The following NEDD4 variants were observed in gnomAD, a reference collection of about 807,000 sequenced individuals.
The protein encoded by NEDD4 is NEDD4 E3 ubiquitin protein ligase.
A neutral mutation model predicts 144.9 loss-of-function variants in NEDD4; 99 were observed. The observed-to-expected ratio is 0.68, with a 90% CI of 0.58 to 0.81. NEDD4 has a LOEUF of 0.81. Among genes scored for constraint, NEDD4 ranks in the 30% least tolerant of loss-of-function variants. NEDD4 has a pLI of 0.00. For missense variants in NEDD4, 985 were observed against 1,065.9 expected (o/e 0.92, Z 1.06); for synonymous variants, 318 against 350.6 (o/e 0.91, Z 1.04).
At position 55,854,586 on chromosome 15, in the gene NEDD4, A is replaced by G. The variant is rs965860886; in HGVS notation, c.1026+1545T>C. On this transcript the variant is annotated intron_variant, in intron 12 of 28. Coordinates refer to ENST00000435532, the MANE Select transcript of NEDD4 (RefSeq NM_006154.4). ...AAAGGCAAAAACTGTAGCAATAGAGAGCAGATGAGCGGTTGCTTGCAACTG... is the reference window on the plus strand; with the variant it reads ...AAAGGCAAAAACTGTAGCAATAGAGGGCAGATGAGCGGTTGCTTGCAACTG... 2.0e-5 allele frequency among the ~76,000 whole-genome samples: 3 copies of G among 152,264 alleles called. No individual in the cohort carries two copies. The East Asian group carries it at 5.8e-4, about 29-fold the overall frequency.
At chr15:55,992,246 C>T (rs140854660) in intron 1 of NEDD4, among the ~76,000 whole-genome samples, 4 of 152,322 alleles carry the variant, frequency 2.6e-5, no homozygotes, top group African/African-American at 9.6e-5. Flanking sequence ...CTATGAGCCG[C>T]CACCATTTGT....
In NEDD4 at chr15:55,829,119, A is replaced by T. The variant is rs1244840820; in HGVS notation, c.*778T>A. 6.6e-6 allele frequency: 1 copy of T among 152,590 alleles called. No individual in the cohort carries two copies. The highest frequency in any genetic ancestry group is 2.4e-5 in the African/African-American group (1 of 41,472). The allele number at this position is 152,590 out of a possible 1,614,324, so 9.5% of individuals were successfully genotyped here. ...TACACTAAAATATGAAAAAGTGATGACTATACCAATGGTCAATAGGATATG... is the reference window on the plus strand; with the variant it reads ...TACACTAAAATATGAAAAAGTGATGTCTATACCAATGGTCAATAGGATATG... On this transcript the variant is annotated 3_prime_UTR_variant, in exon 29 of 29. Transcript: ENST00000435532.
chr15:55,947,602 C>T lies in NEDD4; in HGVS notation c.237+3774G>A, dbSNP rs144185018. On this transcript the variant is annotated intron_variant, in intron 4 of 28. Coordinates refer to ENST00000435532, the MANE Select transcript of NEDD4 (RefSeq NM_006154.4). ...ACCAAAGGTACAAGGAGCTTATCCA[C>T]CATGATCAAGTGGGCTTCATCCCTG... 5.7e-3 allele frequency among the ~76,000 whole-genome samples: 873 copies of T among 152,038 alleles called. 9 individuals are homozygous for T. The highest frequency in any genetic ancestry group is 0.02 in the African/African-American group (817 of 41,512).
rs546718214 is a variant in NEDD4 at position 55,911,391 on chromosome 15, T to C, written c.291+13255A>G. On this transcript the variant is annotated intron_variant, in intron 5 of 28. Transcript: ENST00000435532. Reference sequence around the variant, plus strand: ...TCTGCCTGATGAACTCCAGTTTACCTATCAAGACTCGGTTCAAATGTCACC... The same window carrying C: ...TCTGCCTGATGAACTCCAGTTTACCCATCAAGACTCGGTTCAAATGTCACC... 6.6e-5 allele frequency among the ~76,000 whole-genome samples: 10 copies of C among 152,234 alleles called. No homozygotes were observed. The South Asian group carries it at 2.1e-3, about 32-fold the overall frequency.
At chr15:55,876,863 T>G (rs776154638) in intron 5 of NEDD4, among the ~76,000 whole-genome samples, 1 of 152,006 alleles carries the variant, frequency 6.6e-6, no homozygotes, top group Non-Finnish European at 1.5e-5. Context: ...TTTTCACTTT[T>G]TTTTTCTTTT....
chr15:55,917,199 C>T, intron 5 of NEDD4: 1 of 969,448 alleles, frequency 1.0e-6, no homozygotes, highest in East Asian at 9.5e-5. Context: ...ATGAGTAACA[C>T]AAGAACAACA....
chr15:55,872,365 A>G, intron 7 of NEDD4, 50 bp downstream of exon 7: 2 of 832,160 alleles, frequency 2.4e-6, no homozygotes, highest in South Asian at 2.0e-5. Context: ...GTAAGGTGTA[A>G]TGAAGAGATA....
chr15:55,982,447 A>G (rs1252182485), intron 1 of NEDD4, among the ~76,000 whole-genome samples: 4 of 152,224 alleles, frequency 2.6e-5, no homozygotes, highest in Non-Finnish European at 5.9e-5. Flanking sequence ...AGCTATTGAT[A>G]CAAACAACCC....
chr15:55,835,605 C>T (rs929105681), intron 24 of NEDD4, among the ~76,000 whole-genome samples: 4 of 152,074 alleles, frequency 2.6e-5, no homozygotes, highest in Admixed American at 6.6e-5. Context: ...CAGATGATCC[C>T]CAAATCCATA....
chr15:55,838,584 G>A lies in NEDD4; in HGVS notation c.2052C>T (p.Ser684=). The A allele has an allele frequency of 6.2e-7, 1 of 1,610,252 alleles. No individual in the cohort carries two copies. Among genetic ancestry groups the A allele is most frequent in the Non-Finnish European group, 8.5e-7 (1 of 1,177,330 alleles). ...GGTCATTTTCAAGAATCCATCTTAGGGAATTGTAATATTCACTATCCTAGA... is the reference window on the plus strand; with the variant it reads ...GGTCATTTTCAAGAATCCATCTTAGAGAATTGTAATATTCACTATCCTAGA... ...MESVDSEYYN[S]LRWILENDPT... The change falls in exon 22 of 29, where the codon TCC becomes TCT. Residue 684 remains serine (S), a synonymous_variant. Coordinates refer to ENST00000435532, the MANE Select transcript of NEDD4 (RefSeq NM_006154.4).
Position 55,860,674 on chromosome 15 carries a change from C to A in NEDD4, c.779G>T (p.Arg260Leu), listed in dbSNP as rs2303580. 3 of 1,613,892 alleles carry A rather than the reference C, an allele frequency of 1.9e-6. No individual in the cohort carries two copies. In the African/African-American group the frequency reaches 4.0e-5, roughly 22 times the overall value. Residue 260 changes from arginine to leucine, a missense_variant, in exon 10 of 29, where the codon CGA becomes CTA. Arg to Leu is a moderately radical substitution (Grantham distance 102). Coordinates refer to ENST00000435532, the MANE Select transcript of NEDD4 (RefSeq NM_006154.4). ...ISEETESVDN[R>L]ESSENWEIIR... is the part of the protein sequence containing the mutation. ...AACTACTTATACCTCGGAAGACTCT[C>A]GGTTGTCAACACTTTCTGTTTCCTC...
chr15:55,926,320 T>C (rs2142238133), intron 4 of NEDD4, among the ~76,000 whole-genome samples: 1 of 152,288 alleles, frequency 6.6e-6, no homozygotes, highest in East Asian at 1.9e-4. Flanking sequence ...GGTGGCTGAC[T>C]CAGCTGGGAG....
rs201589405 is a variant in NEDD4 at position 55,841,945 on chromosome 15, T to G, written c.1827A>C (p.Glu609Asp). The G allele has an allele frequency of 1.2e-6, 2 of 1,612,476 alleles. No individual in the cohort carries two copies. Among genetic ancestry groups the G allele is most frequent in the African/African-American group, 1.3e-5 (1 of 75,018 alleles). ...GTAAAGGTACTTACGTAGCAGAATA[T>G]TCAAACAACCCATAATAAGGGTTAA... is the stretch of plus-strand genomic sequence containing the variant. ...EMFNPYYGLF[E>D]YSATDNYTLQ... Residue 609 changes from glutamate to aspartate, a missense_variant, in exon 19 of 29, where the codon GAA becomes GAC. Transcript: ENST00000435532.
intron 18 of NEDD4, among the ~76,000 whole-genome samples, chr15:55,845,178 C>T (rs1272548225): frequency 6.6e-6 from 1 of 152,012 alleles, no homozygotes; most frequent in Non-Finnish European, 1.5e-5. Flanking sequence ...GTCTTTTAAC[C>T]TTTCTTTTAT....
chr15:55,889,251 G>A (rs1331296044), intron 5 of NEDD4, among the ~76,000 whole-genome samples: 1 of 152,198 alleles, frequency 6.6e-6, no homozygotes, highest in Non-Finnish European at 1.5e-5. Flanking sequence ...TCAGCGTATT[G>A]AAAGGATATG....
intron 17 of NEDD4, among the ~76,000 whole-genome samples, chr15:55,847,796 C>T (rs2142000395): frequency 6.6e-6 from 1 of 151,692 alleles, no homozygotes; most frequent in East Asian, 1.9e-4. Flanking sequence ...CCTGCCTCAG[C>T]CTCCCAAGTA....
At chr15:55,875,272 A>T (rs1159282671) in intron 5 of NEDD4, among the ~76,000 whole-genome samples, 1 of 152,194 alleles carries the variant, frequency 6.6e-6, no homozygotes, top group Non-Finnish European at 1.5e-5. Context: ...CTCAGCAGTG[A>T]AGGGGAAACT....
chr15:55,842,585 C>T (rs758968622), intron 18 of NEDD4, among the ~76,000 whole-genome samples: 1 of 152,140 alleles, frequency 6.6e-6, no homozygotes, highest in Admixed American at 6.5e-5. Flanking sequence ...GCCATCTTGC[C>T]CAGGCTGGTC....
intron 2 of NEDD4, among the ~76,000 whole-genome samples, chr15:55,957,152 G>A (rs2037351309): frequency 6.6e-6 from 1 of 152,166 alleles, no homozygotes; most frequent in Non-Finnish European, 1.5e-5. Context: ...TTTGCATTTT[G>A]TGGTGGTGTT....
Sources: allele counts gnomAD v4.1 joint callset (sites outside exome capture counted in the v4.1 genomes callset), GRCh38; gene constraint gnomAD v4.1.1; transcripts MANE v1.5; gene names NCBI Gene and HGNC (gene_info 2026-07-23, HGNC 2026-07-21).